The following FOXP1 variants were observed in gnomAD, a reference collection of about 807,000 sequenced individuals.
FOXP1 encodes forkhead box protein P1.
A neutral mutation model predicts 98.2 loss-of-function variants in FOXP1; 15 were observed. The observed-to-expected ratio is 0.15, with a 90% CI of 0.10 to 0.24. FOXP1 has a LOEUF of 0.24. FOXP1 is among the 10% of genes least tolerant of loss of function. FOXP1 has a pLI of 1.00. For synonymous variants in FOXP1, 371 were observed against 314.5 expected, an observed-to-expected ratio of 1.18 and a Z score of -1.90; for missense variants, 633 against 848.5, an observed-to-expected ratio of 0.75 and a Z score of 3.15.
At chr3:71,230,612 C>T (rs959023502) in intron 5 of FOXP1, among the ~76,000 whole-genome samples, 10 of 152,172 alleles carry the variant, frequency 6.6e-5, no homozygotes, top group Non-Finnish European at 1.5e-4. Flanking sequence ...TAAAAACCAA[C>T]ATCTAAAGTC....
intron 4 of FOXP1, among the ~76,000 whole-genome samples, chr3:71,328,501 A>T (rs946906876): frequency 2.0e-5 from 3 of 152,176 alleles, no homozygotes; most frequent in African/African-American, 7.2e-5. Flanking sequence ...GCAAAGAGGG[A>T]CTTCATGCCT....
chr3:71,236,881 A>AAAAAAG (rs554938227), intron 5 of FOXP1, among the ~76,000 whole-genome samples: 7 of 151,804 alleles, frequency 4.6e-5, no homozygotes, highest in Admixed American at 3.3e-4. Flanking sequence ...TTAAGGAAAA[A>AAAAAAG]AAAAAGAAAA....
At chr3:71,124,916 T>C (rs2059051610) in intron 6 of FOXP1, among the ~76,000 whole-genome samples, 1 of 152,216 alleles carries the variant, frequency 6.6e-6, no homozygotes, top group African/African-American at 2.4e-5. Flanking sequence ...AGTTGCAGCA[T>C]CCTCTCTTGA....
chr3:71,228,871 C>T (rs1348083379), intron 5 of FOXP1, among the ~76,000 whole-genome samples: 1 of 151,436 alleles, frequency 6.6e-6, no homozygotes, highest in Non-Finnish European at 1.5e-5. Context: ...AATGCCACAG[C>T]AAAAGTCCAT....
intron 5 of FOXP1, among the ~76,000 whole-genome samples, chr3:71,209,973 G>A (rs139676448): frequency 2.0e-5 from 3 of 151,962 alleles, no homozygotes; most frequent in Admixed American, 6.6e-5. Context: ...TAAATTCTGC[G>A]TGATGTCAGT....
intron 5 of FOXP1, among the ~76,000 whole-genome samples, chr3:71,249,021 C>T (rs1313207501): frequency 3.9e-5 from 6 of 152,186 alleles, no homozygotes. Context: ...CTTTCTGAAT[C>T]CTTTTGTGTA....
At chr3:71,052,444 G>A in intron 9 of FOXP1, 93 bp downstream of exon 9, 1 of 815,294 alleles carries the variant, frequency 1.2e-6, no homozygotes. Context: ...CAGCTCAGTT[G>A]TGCAATCATT....
intron 7 of FOXP1, among the ~76,000 whole-genome samples, chr3:71,079,453 T>C (rs2054176444): frequency 6.6e-6 from 1 of 152,212 alleles, no homozygotes; most frequent in African/African-American, 2.4e-5. Flanking sequence ...TAAAAAAATC[T>C]TCATTCTTCA....
chr3:71,118,788 T>C (rs375027329), intron 6 of FOXP1, among the ~76,000 whole-genome samples: 3 of 152,264 alleles, frequency 2.0e-5, no homozygotes, highest in Non-Finnish European at 4.4e-5. Context: ...GTGAAACTTA[T>C]ATGGTATTCA....
At chr3:71,190,262 A>T (rs750213742) in intron 6 of FOXP1, among the ~76,000 whole-genome samples, 2 of 152,046 alleles carry the variant, frequency 1.3e-5, no homozygotes, top group East Asian at 3.9e-4. Flanking sequence ...AGCACCTAAC[A>T]TATCAGTTCC....
chr3:71,043,854 C>T lies in FOXP1; in HGVS notation c.665-2322G>A, dbSNP rs551793190. ...ACAAATGTATTTACCACTTGTTATA[C>T]CTACAGGGTGCATTAATGTTACTCT... On this transcript the variant is annotated intron_variant, in intron 10 of 20. Transcript: ENST00000649528. 7.4e-4 allele frequency among the ~76,000 whole-genome samples: 112 copies of T among 152,278 alleles called. 1 individual carries two copies. Among genetic ancestry groups the T allele is most frequent in the Non-Finnish European group, 1.2e-3 (85 of 68,022 alleles).
Position 70,958,324 on chromosome 3 carries a change from G to A in FOXP1, c.*923C>T, listed in dbSNP as rs1319217867. The stretch of plus-strand genomic sequence containing the variant: ...GAGTTTGTCTCTCTTTTTTTTTTCT[G>A]TCATTCATTCTCTTTCTGGCAGGAC... On this transcript the variant is annotated 3_prime_UTR_variant, in exon 21 of 21. Coordinates refer to ENST00000649528, the MANE Select transcript of FOXP1 (RefSeq NM_001349338.3). The A allele has an allele frequency of 2.0e-4, 103 of 526,886 alleles. 1 individual carries two copies. The Admixed American group carries it at 2.2e-3, about 11-fold the overall frequency. 32.6% of individuals were successfully genotyped at this position (526,886 alleles called of 1,614,324 possible).
chr3:71,197,859 T>C (rs1367004453), intron 6 of FOXP1: 13 of 1,612,116 alleles, frequency 8.1e-6, no homozygotes, highest in Non-Finnish European at 1.1e-5. Flanking sequence ...ATTTTTATTT[T>C]TGCATGAAAG....
chr3:71,130,591 A>G (rs2059510270), intron 6 of FOXP1: 1 of 1,598,404 alleles, frequency 6.3e-7, no homozygotes, highest in African/African-American at 1.3e-5. Flanking sequence ...GTTTCTGCGA[A>G]GCGGGGGTTG....
At chr3:71,416,285 C>T (rs1310247526) in intron 3 of FOXP1, among the ~76,000 whole-genome samples, 4 of 151,978 alleles carry the variant, frequency 2.6e-5, no homozygotes, top group African/African-American at 9.7e-5. Flanking sequence ...CCTGTAATAC[C>T]AACACTTTGG....
intron 3 of FOXP1, among the ~76,000 whole-genome samples, chr3:71,440,732 G>A (rs889249251): frequency 6.6e-6 from 1 of 151,902 alleles, no homozygotes; most frequent in East Asian, 1.9e-4. Context: ...AGGCATGCTG[G>A]CATGTGCCTG....
chr3:71,351,503 C>G (rs1479705313), intron 4 of FOXP1, among the ~76,000 whole-genome samples: 1 of 152,168 alleles, frequency 6.6e-6, no homozygotes, highest in East Asian at 1.9e-4. Flanking sequence ...TAATATTTTA[C>G]TAATATTTGA....
chr3:71,552,420 A>G (rs1247834909), intron 2 of FOXP1, among the ~76,000 whole-genome samples: 1 of 152,074 alleles, frequency 6.6e-6, no homozygotes, highest in Non-Finnish European at 1.5e-5. Context: ...TTCATGAGAA[A>G]TAAAAAGGAA....
chr3:71,238,045 C>G (rs2106863038), intron 5 of FOXP1, among the ~76,000 whole-genome samples: 1 of 152,272 alleles, frequency 6.6e-6, no homozygotes, highest in Non-Finnish European at 1.5e-5. Context: ...TATAAGGTAA[C>G]TACGAAAGGC....
Sources: allele counts gnomAD v4.1 joint callset (sites outside exome capture counted in the v4.1 genomes callset), GRCh38; gene constraint gnomAD v4.1.1; transcripts MANE v1.5; gene names NCBI Gene and HGNC (gene_info 2026-07-23, HGNC 2026-07-21).